The following PCDH15 variants were observed in gnomAD, a reference collection of about 807,000 sequenced individuals.
The protein encoded by PCDH15 is protocadherin related 15.
Under a neutral mutation model 178.5 loss-of-function variants are expected in PCDH15, and 129 were observed. The observed-to-expected ratio is 0.72, with a 90% confidence interval of 0.63 to 0.84. The LOEUF (loss-of-function observed/expected upper bound fraction) is 0.84, where lower values mean the gene tolerates loss of function less well. Among genes scored for constraint, PCDH15 ranks in the 40% least tolerant of loss-of-function variants. The pLI, the probability that PCDH15 is intolerant of heterozygous loss-of-function variation, is 0.00. For missense variants in PCDH15, 2,230 were observed against 2,099.9 expected, an observed-to-expected ratio of 1.06 and a Z score of -1.21; for synonymous variants, 800 against 732.0, an observed-to-expected ratio of 1.09 and a Z score of -1.50.
At chr10:53,900,987 T>C (rs1182254099) in intron 26 of PCDH15, among the ~76,000 whole-genome samples, 2 of 152,186 alleles carry the variant, frequency 1.3e-5, no homozygotes, top group Admixed American at 6.5e-5. Flanking sequence ...GGCATTCTAA[T>C]CACAGTAGCA....
At chr10:55,438,145 A>T (rs191320101) in intron 2 of PCDH15, among the ~76,000 whole-genome samples, 1 of 151,248 alleles carries the variant, frequency 6.6e-6, no homozygotes, top group East Asian at 2.0e-4. Context: ...TCTCTTTCTT[A>T]TTTCTAAGTG....
intron 2 of PCDH15, among the ~76,000 whole-genome samples, chr10:55,596,046 A>T (rs1270682635): frequency 6.6e-6 from 1 of 152,052 alleles, no homozygotes; most frequent in Non-Finnish European, 1.5e-5. Flanking sequence ...GAAGTTGAAT[A>T]CTTTTAAGAA....
intron 8 of PCDH15, among the ~76,000 whole-genome samples, chr10:54,285,600 ACT>A (rs2058981996): frequency 6.6e-6 from 1 of 152,136 alleles, no homozygotes; most frequent in South Asian, 2.1e-4. Context: ...GAAAAGGGAA[ACT>A]CTATTACACT....
chr10:54,820,579 T>C lies in PCDH15; in HGVS notation c.-29+76871A>G, dbSNP rs150822024. 5.3e-3 allele frequency among the ~76,000 whole-genome samples: 802 copies of C among 152,162 alleles called. 8 individuals are homozygous for C. Among genetic ancestry groups the C allele is most frequent in the African/African-American group, 0.018 (744 of 41,560 alleles). On this transcript the variant is annotated intron_variant, in intron 3 of 5. Coordinates refer to the PCDH15 transcript ENST00000458638. ...ACTTTATAAGCTTTTTATTACAAGA[T>C]TTTTAAAGGAAACTATCATTTACGT...
intron 1 of PCDH15, among the ~76,000 whole-genome samples, chr10:55,214,977 G>A (rs527524781): frequency 1.3e-5 from 2 of 152,018 alleles, no homozygotes; most frequent in Non-Finnish European, 2.9e-5. Context: ...CTTCTACGAG[G>A]TATTACATAT....
At chr10:54,819,577 A>G (rs1953003773) in intron 3 of PCDH15, among the ~76,000 whole-genome samples, 2 of 151,988 alleles carry the variant, frequency 1.3e-5, no homozygotes, top group Non-Finnish European at 2.9e-5. Context: ...TTCATTAGGA[A>G]GGTGTATGAA....
intron 3 of PCDH15, among the ~76,000 whole-genome samples, chr10:54,811,472 A>T (rs2133729217): frequency 1.3e-5 from 2 of 151,900 alleles, no homozygotes; most frequent in African/African-American, 4.8e-5. Flanking sequence ...AATTTTTTTT[A>T]TTTTATTTTT....
chr10:54,875,013 G>A (rs1019242068), intron 3 of PCDH15, among the ~76,000 whole-genome samples: 1 of 152,100 alleles, frequency 6.6e-6, no homozygotes. Context: ...ATACAAGCAC[G>A]CTTCATTTTA....
chr10:55,367,498 T>C (rs1415621797), intron 2 of PCDH15, among the ~76,000 whole-genome samples: 1 of 151,996 alleles, frequency 6.6e-6, no homozygotes, highest in East Asian at 1.9e-4. Flanking sequence ...GGAAGGTAAC[T>C]TGGGCTCAGA....
intron 1 of PCDH15, among the ~76,000 whole-genome samples, chr10:54,723,218 A>T (rs2132533211): frequency 6.6e-6 from 1 of 151,344 alleles, no homozygotes; most frequent in African/African-American, 2.4e-5. Context: ...GATCAATGGA[A>T]CAGAAAAGAT....
At chr10:54,731,541 G>GAGATATATATATAT (rs1401452530) in intron 1 of PCDH15, among the ~76,000 whole-genome samples, 1 of 68,318 alleles carries the variant, frequency 1.5e-5, no homozygotes, top group African/African-American at 6.1e-5. Flanking sequence ...GAAAATGTGA[G>GAGATATATATATAT]ATAGATATAT....
intron 6 of PCDH15, among the ~76,000 whole-genome samples, chr10:54,339,019 A>T (rs1224365450): frequency 6.6e-6 from 1 of 151,760 alleles, no homozygotes; most frequent in East Asian, 1.9e-4. Context: ...AGATCATGTG[A>T]TGACAAATTC....
intron 2 of PCDH15, among the ~76,000 whole-genome samples, chr10:55,593,925 A>G (rs1842892781): frequency 1.3e-5 from 2 of 151,844 alleles, no homozygotes; most frequent in Non-Finnish European, 2.9e-5. Context: ...GTTTATGGCA[A>G]TTTCTATACA....
intron 3 of PCDH15, among the ~76,000 whole-genome samples, chr10:54,423,714 G>T (rs1955850920): frequency 6.6e-6 from 1 of 151,854 alleles, no homozygotes; most frequent in Admixed American, 6.5e-5. Flanking sequence ...TTAGCAGAGG[G>T]ATGACATGAA....
chr10:55,263,071 G>C lies in PCDH15; in HGVS notation c.-156+56528C>G, dbSNP rs149286962. Among the ~76,000 whole-genome samples the C allele has an allele frequency of 7.8e-3, 1,189 of 152,146 alleles. 13 individuals carry two copies. The highest frequency in any genetic ancestry group is 0.027 in the African/African-American group (1,113 of 41,506). ...TGATGGGGATGAGGCAACTTTTCCT[G>C]TTTCGACTGGGTCTCATCCGGGATC... On this transcript the variant is annotated intron_variant, in intron 1 of 5. Transcript: ENST00000458638.
At chr10:54,967,976 T>C (rs2131890758) in intron 2 of PCDH15, among the ~76,000 whole-genome samples, 1 of 152,260 alleles carries the variant, frequency 6.6e-6, no homozygotes, top group Non-Finnish European at 1.5e-5. Flanking sequence ...ATGCCTTCAT[T>C]TTACCTTGTC....
At chr10:55,600,943 A>G (rs1354021640) in intron 2 of PCDH15, among the ~76,000 whole-genome samples, 1 of 152,082 alleles carries the variant, frequency 6.6e-6, no homozygotes, top group East Asian at 1.9e-4. Flanking sequence ...TGTGGTACAG[A>G]TATTTTCAGC....
intron 1 of PCDH15, among the ~76,000 whole-genome samples, chr10:55,318,558 T>C (rs1843792764): frequency 6.6e-6 from 1 of 151,710 alleles, no homozygotes; most frequent in Admixed American, 6.6e-5. Flanking sequence ...GAGACAGAAA[T>C]GAAGAAGTAC....
At chr10:53,948,202 C>A (rs1019246905) in intron 23 of PCDH15, among the ~76,000 whole-genome samples, 50 of 152,134 alleles carry the variant, frequency 3.3e-4, no homozygotes, top group African/African-American at 1.1e-3. Context: ...TATAGAGGGC[C>A]CTTCTCACTC....
Sources: gnomAD v4.1 joint callset for allele counts (sites outside exome capture counted in the v4.1 genomes callset) on GRCh38, gnomAD v4.1.1 for gene constraint, MANE v1.5 for transcripts, NCBI Gene and HGNC (gene_info 2026-07-23, HGNC 2026-07-21) for gene names.